Variants in ZUP1 observed in about 807,000 individuals in gnomAD.
ZUP1 encodes the protein zinc finger-containing ubiquitin peptidase 1.
A neutral mutation model predicts 68.1 loss-of-function variants in ZUP1; 55 were observed. The ratio of observed to expected loss-of-function variants is 0.81; its 90% CI spans 0.65 to 1.01. ZUP1 has a LOEUF of 1.01. ZUP1 is among the 50% of genes least tolerant of loss of function. The pLI, the probability that ZUP1 is intolerant of heterozygous loss-of-function variation, is 0.00. For synonymous variants in ZUP1, 223 were observed against 221.5 expected, an observed-to-expected ratio of 1.01 and a Z score of -0.06; for missense variants, 684 against 674.9, an observed-to-expected ratio of 1.01 and a Z score of -0.15.
At position 116,656,803 on chromosome 6, in the gene ZUP1, CGTA is replaced by C; in HGVS notation, c.839_841del (p.Leu280del). The C allele has an allele frequency of 1.2e-6, 2 of 1,609,560 alleles. No individual in the cohort carries two copies. The highest frequency in any genetic ancestry group is 1.7e-6 in the Non-Finnish European group (2 of 1,177,186). On this transcript the variant is annotated inframe_deletion, in exon 5 of 10. Coordinates refer to ENST00000368576, the MANE Select transcript of ZUP1 (RefSeq NM_145062.3). ...CCTATTTACTTCTATCTCCATATTT[CGTA>C]GTTGTTGTTGTTTGTATCCTCCAGA...
At chr6:116,661,134 C>T (rs1776827448) in intron 2 of ZUP1, among the ~76,000 whole-genome samples, 1 of 152,018 alleles carries the variant, frequency 6.6e-6, no homozygotes, top group South Asian at 2.1e-4. Flanking sequence ...CCTCAGCATC[C>T]CAAAGTGCTG....
Position 116,656,853 on chromosome 6 carries a change from C to G in ZUP1, c.793-1G>C. The G allele has an allele frequency of 6.4e-7, 1 of 1,565,786 alleles. No individual in the cohort carries two copies. The highest frequency in any genetic ancestry group is 8.6e-7 in the Non-Finnish European group (1 of 1,156,756). Reference sequence around the variant, plus strand: ...CAGAATTATCTAAACCATATTGTCTCTATTGAACATAAAAATAAATGACTT... The same window carrying G: ...CAGAATTATCTAAACCATATTGTCTGTATTGAACATAAAAATAAATGACTT... On this transcript the variant is annotated splice_acceptor_variant, in intron 4 of 9. Transcript: ENST00000368576. LOFTEE classifies it high-confidence loss of function.
At position 116,645,879 on chromosome 6, in the gene ZUP1, T is replaced by C; in HGVS notation, c.1524A>G (p.Leu508=). 1.2e-6 allele frequency: 2 copies of C among 1,613,936 alleles called. No individual in the cohort carries two copies. The highest frequency in any genetic ancestry group is 1.7e-6 in the Non-Finnish European group (2 of 1,179,920). The change falls in exon 9 of 10, where the codon TTA becomes TTG. Residue 508 remains leucine, a synonymous_variant. Transcript: ENST00000368576. ...IEEKKNRTLC[L]LILDPGCPSR... ...AAGGACATCCAGGATCAAGTATTAG[T>C]AAGCATAATGTTCGGTTTTTTTTCT...
chr6:116,640,618 C>T (rs989567798), intron 9 of ZUP1, among the ~76,000 whole-genome samples: 3 of 151,996 alleles, frequency 2.0e-5, no homozygotes, highest in Non-Finnish European at 2.9e-5. Flanking sequence ...AAATAAAATA[C>T]TTTACAGACA....
intron 9 of ZUP1, among the ~76,000 whole-genome samples, chr6:116,640,828 A>T (rs2115380288): frequency 6.6e-6 from 1 of 151,782 alleles, no homozygotes; most frequent in South Asian, 2.1e-4. Flanking sequence ...GATCAAATTC[A>T]CACACAACAA....
rs543316219 is a variant in ZUP1 at position 116,662,194 on chromosome 6, G to A, written c.560-1348C>T. On this transcript the variant is annotated intron_variant, in intron 2 of 9. Coordinates refer to ENST00000368576, the MANE Select transcript of ZUP1 (RefSeq NM_145062.3). ...TACAGCTTCCATAAGTAATGCTGGCGGATGTAAGAGAAGTCTTTCAGCCAG... is the reference window on the plus strand; with the variant it reads ...TACAGCTTCCATAAGTAATGCTGGCAGATGTAAGAGAAGTCTTTCAGCCAG... Among the ~76,000 whole-genome samples the A allele has an allele frequency of 8.5e-5, 13 of 152,254 alleles. No homozygotes were observed. In the East Asian group the frequency reaches 9.6e-4, roughly 11 times the overall value.
At chr6:116,659,843 C>T (rs1180946059) in intron 3 of ZUP1, among the ~76,000 whole-genome samples, 1 of 152,084 alleles carries the variant, frequency 6.6e-6, no homozygotes, top group Non-Finnish European at 1.5e-5. Flanking sequence ...ACTGACTATT[C>T]TTCCTTTCCT....
At chr6:116,653,661 G>A (rs1321738774) in intron 5 of ZUP1, among the ~76,000 whole-genome samples, 1 of 151,754 alleles carries the variant, frequency 6.6e-6, no homozygotes, top group Non-Finnish European at 1.5e-5. Context: ...GGAATGAATG[G>A]GTACCCTAGG....
At chr6:116,667,312 G>A in intron 1 of ZUP1, 105 bp from the exon 2 acceptor site, 1 of 663,836 alleles carries the variant, frequency 1.5e-6, no homozygotes, top group Non-Finnish European at 2.3e-6. Flanking sequence ...TTATTTTGAT[G>A]AAGAAGTTTT....
At position 116,635,631 on chromosome 6, in the gene ZUP1, C is replaced by G; in HGVS notation, c.*201G>C. ...AAAAACAAAATCCACAATGCAAAAA[C>G]AAGACATTTTATTGAAATAATTTAC... is the stretch of plus-strand genomic sequence containing the variant. On this transcript the variant is annotated 3_prime_UTR_variant, in exon 10 of 10. Coordinates refer to ENST00000368576, the MANE Select transcript of ZUP1 (RefSeq NM_145062.3). The G allele has an allele frequency of 2.3e-6, 1 of 433,962 alleles. No individual in the cohort carries two copies. The highest frequency in any genetic ancestry group is 3.8e-5 in the East Asian group (1 of 26,408). The allele number at this position is 433,962 out of a possible 1,614,324, so 26.9% of individuals were successfully genotyped here.
Position 116,666,714 on chromosome 6 carries a change from C to T in ZUP1, c.479G>A (p.Gly160Glu). The T allele has an allele frequency of 6.2e-7, 1 of 1,613,182 alleles. No homozygotes were observed. The part of the protein sequence containing the change: ...TYSPPECPFC[G>E]KIEEHSEDME... ...ATCTTCACTGTGCTCCTCTATTTTT[C>T]CACAGAATGGACATTCAGGAGGACT... is the stretch of plus-strand genomic sequence containing the variant. Residue 160 changes from glycine to glutamate, a missense_variant, in exon 2 of 10, where the codon GGA becomes GAA. Coordinates refer to ENST00000368576, the MANE Select transcript of ZUP1 (RefSeq NM_145062.3).
At chr6:116,660,904 CTT>C (rs368048094) in intron 2 of ZUP1, 58 bp from the exon 3 acceptor site, 5,084 of 790,416 alleles carry the variant, frequency 6.4e-3, no homozygotes, top group East Asian at 9.7e-3. Flanking sequence ...TTTTTCTTTG[CTT>C]TTTTTTTTTT....
chr6:116,651,079 A>C (rs1477403416), intron 7 of ZUP1, among the ~76,000 whole-genome samples: 1 of 152,174 alleles, frequency 6.6e-6, no homozygotes, highest in Non-Finnish European at 1.5e-5. Context: ...GAGTGCAAAA[A>C]CTTGAGGCCA....
chr6:116,668,316 C>A (rs1252630798), intron 1 of ZUP1, among the ~76,000 whole-genome samples: 1 of 152,160 alleles, frequency 6.6e-6, no homozygotes, highest in Non-Finnish European at 1.5e-5. Flanking sequence ...GAATGATGAA[C>A]TTGGACATGG....
chr6:116,656,813 G>A lies in ZUP1; in HGVS notation c.832C>T (p.Gln278Ter), dbSNP rs1399202439. The change falls in exon 5 of 10, where the codon CAA (glutamine) becomes TAA (stop). Residue 278 changes from glutamine to a stop codon, truncating the protein, a stop_gained. Coordinates refer to ENST00000368576, the MANE Select transcript of ZUP1 (RefSeq NM_145062.3). LOFTEE classifies it high-confidence loss of function. Reference protein sequence around the residue: ...GLDNSGGYKQQQLRNMEIEVN... With the variant: ...GLDNSGGYKQ ...TCTATCTCCATATTTCGTAGTTGTTGTTGTTTGTATCCTCCAGAATTATCT... is the reference window on the plus strand; with the variant it reads ...TCTATCTCCATATTTCGTAGTTGTTATTGTTTGTATCCTCCAGAATTATCT... 1.2e-6 allele frequency: 2 copies of A among 1,608,498 alleles called. No homozygotes were observed. Among genetic ancestry groups the A allele is most frequent in the East Asian group, 4.5e-5 (2 of 44,612 alleles).
At chr6:116,637,679 G>A (rs75127288) in intron 9 of ZUP1, among the ~76,000 whole-genome samples, 2,688 of 152,290 alleles carry the variant, frequency 0.018, 68 homozygotes, top group African/African-American at 0.061. Context: ...CTATGCTCTC[G>A]AATGTGTACA....
chr6:116,667,207 G>A lies in ZUP1; in HGVS notation c.-15C>T. 1 of 1,514,524 alleles carries A rather than the reference G, an allele frequency of 6.6e-7. No homozygotes were observed. The highest frequency in any genetic ancestry group is 8.8e-7 in the Non-Finnish European group (1 of 1,131,116). The allele number at this position is 1,514,524 out of a possible 1,614,324, so 93.8% of individuals were successfully genotyped here. A position where few individuals can be genotyped will look rare whatever the true frequency, so the allele number is the denominator to read the frequency against. ...CAGGAAAGCATGGTATTGACAAGTAGCTAGAAAAGAACATAACATTAGGTT... is the reference window on the plus strand; with the variant it reads ...CAGGAAAGCATGGTATTGACAAGTAACTAGAAAAGAACATAACATTAGGTT... On this transcript the variant is annotated splice_region_variant and 5_prime_UTR_variant, in exon 2 of 10. Coordinates refer to ENST00000368576, the MANE Select transcript of ZUP1 (RefSeq NM_145062.3).
rs1277535635 is a variant in ZUP1 at position 116,647,526 on chromosome 6, A to G, written c.1401T>C (p.Ser467=). ...RLFEWILNYY[S]SEGEGSPKVV... is the part of the protein sequence containing the mutation. ...CCTTTGGACTCCCTTCTCCCTCTGAAGAATAATAGTTCAATATCCATTCAA... is the reference window on the plus strand; with the variant it reads ...CCTTTGGACTCCCTTCTCCCTCTGAGGAATAATAGTTCAATATCCATTCAA... Residue 467 remains serine, a synonymous_variant, in exon 8 of 10, where the codon TCT becomes TCC. Transcript: ENST00000368576. The G allele has an allele frequency of 6.2e-7, 1 of 1,602,786 alleles. No individual in the cohort carries two copies. Among genetic ancestry groups the G allele is most frequent in the Non-Finnish European group, 8.5e-7 (1 of 1,172,264 alleles).
At chr6:116,645,563 A>G (rs1206648465) in intron 9 of ZUP1, 151 bp downstream of exon 9, 2 of 612,570 alleles carry the variant, frequency 3.3e-6, no homozygotes, top group African/African-American at 3.8e-5. Flanking sequence ...GGCCTGGTCA[A>G]CAGAGTGAGA....
Sources: gnomAD v4.1 joint callset for allele counts (sites outside exome capture counted in the v4.1 genomes callset) on GRCh38, gnomAD v4.1.1 for gene constraint, MANE v1.5 for transcripts, NCBI Gene and HGNC (gene_info 2026-07-23, HGNC 2026-07-21) for gene names.